The following SLC16A12 variants were observed in gnomAD, a reference collection of about 807,000 sequenced individuals.
SLC16A12 encodes monocarboxylate transporter 12.
In SLC16A12, 17 loss-of-function variants were observed where a neutral mutation model predicts 42.4. The ratio of observed to expected loss-of-function variants is 0.40; its 90% CI spans 0.27 to 0.60. The LOEUF is 0.60. Ranked by LOEUF, SLC16A12 falls within the 20% of genes least tolerant of loss-of-function variation. SLC16A12 has a pLI of 0.42. For missense variants in SLC16A12, 544 were observed against 623.0 expected (o/e 0.87, Z 1.35); for synonymous variants, 224 against 229.4 (o/e 0.98, Z 0.21).
intron 2 of SLC16A12, among the ~76,000 whole-genome samples, chr10:89,498,057 C>A (rs1842947517): frequency 6.6e-6 from 1 of 152,146 alleles, no homozygotes; most frequent in African/African-American, 2.4e-5. Context: ...TACCTGTAAT[C>A]CCAACACTTT....
chr10:89,522,049 A>T (rs1410954465), intron 2 of SLC16A12, among the ~76,000 whole-genome samples: 2 of 152,126 alleles, frequency 1.3e-5, no homozygotes, highest in African/African-American at 4.8e-5. Flanking sequence ...GTCAACATCT[A>T]TCCAGCAGCT....
At chr10:89,442,840 A>T (rs2133696205) in intron 4 of SLC16A12, among the ~76,000 whole-genome samples, 1 of 152,296 alleles carries the variant, frequency 6.6e-6, no homozygotes, top group Non-Finnish European at 1.5e-5. Context: ...ATGGAATAAA[A>T]TGGTTATTAT....
chr10:89,537,145 G>GTTT (rs376769096), upstream of SLC16A12, among the ~76,000 whole-genome samples: 26 of 105,640 alleles, frequency 2.5e-4, no homozygotes, highest in African/African-American at 6.0e-4. Flanking sequence ...CCGTAGGTAT[G>GTTT]TTTTTTTTTT....
intron 2 of SLC16A12, among the ~76,000 whole-genome samples, chr10:89,471,873 A>G (rs1046499549): frequency 3.3e-5 from 5 of 152,192 alleles, no homozygotes; most frequent in Non-Finnish European, 7.4e-5. Flanking sequence ...TTCCCCAATG[A>G]CTAATTATAT....
At chr10:89,535,826 G>C (rs1287725585), upstream of SLC16A12, among the ~76,000 whole-genome samples, 1 of 151,176 alleles carries the variant, frequency 6.6e-6, no homozygotes, top group Non-Finnish European at 1.5e-5. Flanking sequence ...GAGCGGACTG[G>C]GCGGAGGCGC....
At position 89,507,109 on chromosome 10, in the gene SLC16A12, C is replaced by T. The variant is rs764862322; in HGVS notation, c.-47+27392G>A. Among the ~76,000 whole-genome samples the T allele has an allele frequency of 2.6e-5, 4 of 152,080 alleles. No individual in the cohort carries two copies. In the East Asian group the frequency reaches 5.8e-4, roughly 22 times the overall value. ...ACCAAATCTACATTTGATTGGTGTA[C>T]CTGAAAGTGACGGGGAGAATGGAAC... On this transcript the variant is annotated intron_variant, in intron 2 of 7. Coordinates refer to ENST00000371790, the MANE Select transcript of SLC16A12 (RefSeq NM_213606.4).
At chr10:89,472,600 C>T (rs1439534222) in intron 2 of SLC16A12, among the ~76,000 whole-genome samples, 2 of 135,354 alleles carry the variant, frequency 1.5e-5, no homozygotes, top group Non-Finnish European at 3.1e-5. Context: ...TCAAGTGATT[C>T]TCCTGCCTCA....
At chr10:89,491,878 T>C (rs113438420) in intron 2 of SLC16A12, among the ~76,000 whole-genome samples, 175 of 152,138 alleles carry the variant, frequency 1.2e-3, no homozygotes, top group African/African-American at 3.9e-3. Context: ...AGCTGCAGTT[T>C]TACTATACTC....
In SLC16A12 at chr10:89,531,628, A is replaced by G. The variant is rs537727206; in HGVS notation, c.-47+2873T>C. 2.0e-5 allele frequency among the ~76,000 whole-genome samples: 3 copies of G among 152,292 alleles called. No individual in the cohort carries two copies. In the South Asian group the frequency reaches 6.2e-4, roughly 32 times the overall value. On this transcript the variant is annotated intron_variant, in intron 2 of 7. Coordinates refer to ENST00000371790, the MANE Select transcript of SLC16A12 (RefSeq NM_213606.4). ...TTGTTTCAGTGTTGGGCAGTATTTC[A>G]TTAAGCAGAACAGAGTCACATGCAT...
intron 2 of SLC16A12, 108 bp downstream of exon 2, chr10:89,534,393 T>C (rs1299416862): frequency 6.6e-6 from 1 of 152,202 alleles, no homozygotes; most frequent in Non-Finnish European, 1.5e-5. Context: ...TGGGCTAAGC[T>C]GGTGACGCCG....
At position 89,462,392 on chromosome 10, in the gene SLC16A12, G is replaced by A. The variant is rs964438774; in HGVS notation, c.187C>T (p.Arg63Trp). The change falls in exon 3 of 8, where the codon CGG becomes TGG. Residue 63 changes from arginine to tryptophan, a missense_variant. Physicochemically the swap from Arg to Trp is moderately radical, Grantham distance 101. Transcript: ENST00000371790. Reference protein sequence around the residue: ...AGCFLVTICTRAVTRCISIFF... With the variant: ...AGCFLVTICTWAVTRCISIFF... ...AATCCTACCTACCTTGTGACTGCCCGTGTGCAGATGGTAACAAGGAAACAG... is the reference window on the plus strand; with the variant it reads ...AATCCTACCTACCTTGTGACTGCCCATGTGCAGATGGTAACAAGGAAACAG... 8.7e-6 allele frequency: 14 copies of A among 1,614,022 alleles called. 1 individual carries two copies. Among genetic ancestry groups the A allele is most frequent in the Middle Eastern group, 1.7e-4 (1 of 6,056 alleles).
intron 2 of SLC16A12, among the ~76,000 whole-genome samples, chr10:89,495,479 G>A (rs1688168593): frequency 6.6e-6 from 1 of 152,166 alleles, no homozygotes; most frequent in Non-Finnish European, 1.5e-5. Context: ...TAACCCTTGG[G>A]AGTGTTACTC....
upstream of SLC16A12, among the ~76,000 whole-genome samples, chr10:89,540,422 T>C (rs1441294505): frequency 6.6e-6 from 1 of 152,130 alleles, no homozygotes; most frequent in Non-Finnish European, 1.5e-5. Flanking sequence ...CTTTATCATC[T>C]TTTTTTGTTC....
At chr10:89,446,347 C>G (rs775907275) in intron 3 of SLC16A12, among the ~76,000 whole-genome samples, 8 of 152,132 alleles carry the variant, frequency 5.3e-5, no homozygotes, top group Admixed American at 1.3e-4. Flanking sequence ...ATGTTAAGGG[C>G]AGTCAGAGAG....
intron 2 of SLC16A12, among the ~76,000 whole-genome samples, chr10:89,526,629 A>G (rs1843457349): frequency 6.6e-6 from 1 of 152,246 alleles, no homozygotes; most frequent in African/African-American, 2.4e-5. Flanking sequence ...TGTTTTGGCC[A>G]AGAAATCCTT....
chr10:89,548,883 G>T (rs746045495), intron 2 of SLC16A12, among the ~76,000 whole-genome samples: 1 of 152,186 alleles, frequency 6.6e-6, no homozygotes, highest in Non-Finnish European at 1.5e-5. Context: ...GCACAAGTGT[G>T]ATATGCAATT....
intron 3 of SLC16A12, among the ~76,000 whole-genome samples, chr10:89,460,154 C>T (rs1842273275): frequency 2.0e-5 from 3 of 152,068 alleles, no homozygotes; most frequent in Admixed American, 1.3e-4. Context: ...CAGCATGATC[C>T]CTCCTTCTAA....
At chr10:89,554,121 A>AGGGAGGG (rs1843793041) in intron 2 of SLC16A12, among the ~76,000 whole-genome samples, 1 of 149,034 alleles carries the variant, frequency 6.7e-6, no homozygotes, top group African/African-American at 2.5e-5. Flanking sequence ...GGAAGGAAGG[A>AGGGAGGG]AGGAAGGAAG....
At chr10:89,522,049 A>G (rs1410954465) in intron 2 of SLC16A12, among the ~76,000 whole-genome samples, 1 of 152,126 alleles carries the variant, frequency 6.6e-6, no homozygotes, top group African/African-American at 2.4e-5. Flanking sequence ...GTCAACATCT[A>G]TCCAGCAGCT....
Sources: gnomAD v4.1 joint callset for allele counts (sites outside exome capture counted in the v4.1 genomes callset) on GRCh38, gnomAD v4.1.1 for gene constraint, MANE v1.5 for transcripts, NCBI Gene and HGNC (gene_info 2026-07-23, HGNC 2026-07-21) for gene names.